Variants in NOSTRIN observed in about 807,000 individuals in gnomAD.
The protein encoded by NOSTRIN is BM247 homolog.
NOSTRIN carries 63 observed loss-of-function variants against 59.0 expected under a neutral mutation model. That is an observed-to-expected ratio of 1.07 (90% CI 0.87 to 1.32). NOSTRIN has a LOEUF of 1.32. Among genes scored for constraint, NOSTRIN ranks in the 40% most tolerant of loss-of-function variants. The pLI is 0.00. For synonymous variants in NOSTRIN, 200 were observed against 165.4 expected (o/e 1.21, Z -1.61); for missense variants, 512 against 473.1 (o/e 1.08, Z -0.76).
chr2:168,812,743 T>G (rs933616300), intron 2 of NOSTRIN, among the ~76,000 whole-genome samples: 3 of 152,110 alleles, frequency 2.0e-5, no homozygotes, highest in African/African-American at 7.2e-5. Context: ...GGCACCACCA[T>G]CTCTGAGCAG....
chr2:168,817,128 T>C (rs752604497), intron 2 of NOSTRIN, among the ~76,000 whole-genome samples: 3 of 152,240 alleles, frequency 2.0e-5, no homozygotes, highest in Non-Finnish European at 4.4e-5. Context: ...CTTCTCTCCA[T>C]TTCTGATTTA....
intron 2 of NOSTRIN, among the ~76,000 whole-genome samples, chr2:168,788,999 C>T (rs530679277): frequency 1.5e-3 from 233 of 152,238 alleles, no homozygotes; most frequent in African/African-American, 5.5e-3. Flanking sequence ...GTAGCTCCTC[C>T]TGAGCACACC....
rs745874215 is a variant in NOSTRIN, at chr2:168,862,016, G to T, written c.1351G>T (p.Ala451Ser). 4.3e-6 allele frequency: 7 copies of T among 1,614,050 alleles called. No homozygotes were observed. The highest frequency in any genetic ancestry group is 1.7e-5 in the Admixed American group (1 of 60,008). ...TTGCAAGGCCTTGTATTCTTTTCAA[G>T]CCAGGCAAGATGATGAGTTGAATTT... ...RLCKALYSFQ[A>S]RQDDELNLEK... Residue 451 changes from alanine to serine, a missense_variant, in exon 15 of 16, where the codon GCC becomes TCC. Transcript: ENST00000317647.
At chr2:168,796,234 C>T (rs566775453), upstream of NOSTRIN, among the ~76,000 whole-genome samples, 1 of 152,332 alleles carries the variant, frequency 6.6e-6, no homozygotes, top group South Asian at 2.1e-4. Context: ...AAGGACTAGG[C>T]GTCGTCCAGG....
At chr2:168,848,694 A>C (rs1165389104) in intron 8 of NOSTRIN, among the ~76,000 whole-genome samples, 1 of 152,204 alleles carries the variant, frequency 6.6e-6, no homozygotes, top group African/African-American at 2.4e-5. Flanking sequence ...GCAAAAGAAC[A>C]AGTAGTGTAT....
intron 2 of NOSTRIN, among the ~76,000 whole-genome samples, chr2:168,815,956 A>G (rs1364328879): frequency 6.6e-6 from 1 of 152,200 alleles, no homozygotes; most frequent in African/African-American, 2.4e-5. Flanking sequence ...TCAACTCATG[A>G]CCAAGACCAT....
chr2:168,801,676 C>A (rs1574251630), upstream of NOSTRIN, among the ~76,000 whole-genome samples: 1 of 152,302 alleles, frequency 6.6e-6, no homozygotes, highest in East Asian at 1.9e-4. Flanking sequence ...CCTGCCCTTG[C>A]CTGCCAGTCA....
At chr2:168,851,800 G>A (rs1481179212) in intron 10 of NOSTRIN, among the ~76,000 whole-genome samples, 1 of 152,038 alleles carries the variant, frequency 6.6e-6, no homozygotes, top group Middle Eastern at 3.4e-3. Context: ...AAACAAACAT[G>A]TATTATCTCA....
At chr2:168,810,731 C>G (rs1485215586) in intron 1 of NOSTRIN, among the ~76,000 whole-genome samples, 1 of 152,178 alleles carries the variant, frequency 6.6e-6, no homozygotes, top group African/African-American at 2.4e-5. Flanking sequence ...TTGCACCTCC[C>G]AGATGGAAAC....
chr2:168,838,733 T>C (rs1261306732), intron 7 of NOSTRIN, among the ~76,000 whole-genome samples: 1 of 151,954 alleles, frequency 6.6e-6, no homozygotes, highest in African/African-American at 2.4e-5. Context: ...AGCATATCAT[T>C]CCTTTTGAAA....
rs1261559454 is a variant in NOSTRIN, at chr2:168,865,267, A to C, written c.*297A>C. 1 of 265,698 alleles carries C rather than the reference A, an allele frequency of 3.8e-6. No homozygotes were observed. The highest frequency in any genetic ancestry group is 4.9e-5 in the Admixed American group (1 of 20,536). 16.5% of individuals were successfully genotyped at this position (265,698 alleles called of 1,614,324 possible). ...GTGTCACAGAAACAGACGGAGTCCA[A>C]GGTGGGTTCAGCTGCTTGCCTGAAG... On this transcript the variant is annotated 3_prime_UTR_variant, in exon 16 of 16. Transcript: ENST00000317647.
At position 168,860,843 on chromosome 2, in the gene NOSTRIN, A is replaced by T; in HGVS notation, c.1228A>T (p.Arg410Ter). 1.2e-6 allele frequency: 2 copies of T among 1,613,926 alleles called. No individual in the cohort carries two copies. The highest frequency in any genetic ancestry group is 8.5e-7 in the Non-Finnish European group (1 of 1,179,892). Reference sequence around the variant, plus strand: ...AATATCTCGGCCTTTTTTAATGAAGAGATTAGAGAATATTGTGAGCAAGGC... The same window carrying T: ...AATATCTCGGCCTTTTTTAATGAAGTGATTAGAGAATATTGTGAGCAAGGC... Reference protein sequence around the residue: ...VKISRPFLMKRLENIVSKASS... With the variant: ...VKISRPFLMK Residue 410 changes from arginine (R) to a stop codon, truncating the protein, a stop_gained, in exon 14 of 16, where the codon AGA (arginine) becomes TGA (stop). Coordinates refer to ENST00000317647, the MANE Select transcript of NOSTRIN (RefSeq NM_001039724.4). LOFTEE classifies it high-confidence loss of function.
chr2:168,826,354 A>T lies in NOSTRIN; in HGVS notation c.197+1637A>T, dbSNP rs374587949. ...TAACAGTAAACATTAGAGAATTTTT[A>T]TCCATACCGAAATCTGTGTTAGGTA... On this transcript the variant is annotated intron_variant, in intron 3 of 15. Transcript: ENST00000317647. 1.8e-4 allele frequency among the ~76,000 whole-genome samples: 27 copies of T among 152,290 alleles called. No homozygotes were observed. In the East Asian group the frequency reaches 2.3e-3, roughly 13 times the overall value.
intron 7 of NOSTRIN, among the ~76,000 whole-genome samples, 161 bp from the exon 8 acceptor site, chr2:168,842,831 T>C (rs1688179240): frequency 6.6e-6 from 1 of 152,234 alleles, no homozygotes; most frequent in African/African-American, 2.4e-5. Flanking sequence ...TGCCTTTTTT[T>C]CTTATAAAGA....
At chr2:168,853,170 T>C (rs1238564464) in intron 10 of NOSTRIN, among the ~76,000 whole-genome samples, 1 of 152,210 alleles carries the variant, frequency 6.6e-6, no homozygotes, top group Non-Finnish European at 1.5e-5. Context: ...CATGAATCTG[T>C]TGTCTAAGAG....
chr2:168,788,933 AGAT>A (rs571288210), intron 2 of NOSTRIN, among the ~76,000 whole-genome samples: 4 of 147,898 alleles, frequency 2.7e-5, no homozygotes, highest in East Asian at 2.0e-4. Context: ...ATAGATAGAT[AGAT>A]GATAGATATT....
intron 7 of NOSTRIN, among the ~76,000 whole-genome samples, 165 bp downstream of exon 7, chr2:168,834,490 T>TGCGCGCGCGC (rs145224351): frequency 4.6e-5 from 4 of 87,548 alleles, no homozygotes; most frequent in East Asian, 6.1e-4. Context: ...ATTACTGGCG[T>TGCGCGCGCGC]GCGCGCGCGC....
chr2:168,837,300 CTTTT>C (rs761309524), intron 7 of NOSTRIN, among the ~76,000 whole-genome samples: 2 of 62,162 alleles, frequency 3.2e-5, no homozygotes, highest in Non-Finnish European at 3.2e-5. Flanking sequence ...TTTTTAACAT[CTTTT>C]TTTTTTTTTT....
At chr2:168,830,500 A>G (rs941929634) in intron 5 of NOSTRIN, among the ~76,000 whole-genome samples, 1 of 152,212 alleles carries the variant, frequency 6.6e-6, no homozygotes, top group East Asian at 1.9e-4. Flanking sequence ...TCTAAATTTA[A>G]CCAACTGGAA....
Sources: allele counts gnomAD v4.1 joint callset (sites outside exome capture counted in the v4.1 genomes callset), GRCh38; gene constraint gnomAD v4.1.1; transcripts MANE v1.5; gene names NCBI Gene and HGNC (gene_info 2026-07-23, HGNC 2026-07-21).